Variants in LHX2 observed in about 807,000 individuals in gnomAD.
LHX2 encodes LIM homeobox 2.
Under a neutral mutation model 33.0 loss-of-function variants are expected in LHX2, and 6 were observed. The observed-to-expected ratio is 0.18, with a 90% CI of 0.10 to 0.36. LHX2 has a LOEUF of 0.36. Ranked by LOEUF, LHX2 falls within the 10% of genes least tolerant of loss-of-function variation. The pLI, the probability that LHX2 is intolerant of heterozygous loss-of-function variation, is 1.00. For missense variants in LHX2, 442 were observed against 586.2 expected (o/e 0.75, Z 2.54); for synonymous variants, 292 against 253.1 (o/e 1.15, Z -1.46).
At chr9:124,020,676 G>GA (rs1859276546) in intron 3 of LHX2, among the ~76,000 whole-genome samples, 1 of 152,096 alleles carries the variant, frequency 6.6e-6, no homozygotes, top group Non-Finnish European at 1.5e-5. Flanking sequence ...GTAAAAACGG[G>GA]AAAAATAATA....
rs1340417712 is a variant in LHX2, at chr9:124,016,532, C to A, written c.727+1007C>A. On this transcript the variant is annotated intron_variant, in intron 3 of 4. Coordinates refer to ENST00000373615, the MANE Select transcript of LHX2 (RefSeq NM_004789.4). This position sits in a 1 kb window ranked among gnomAD's most constrained non-coding sequence, Gnocchi z 4.4. Reference sequence around the variant, plus strand: ...TCTTCCTTTTCCCTTTAGTCTAATGCACAAGCAGAAAAAAGCAAAAACAAA... The same window carrying A: ...TCTTCCTTTTCCCTTTAGTCTAATGAACAAGCAGAAAAAAGCAAAAACAAA... Among the ~76,000 whole-genome samples the A allele has an allele frequency of 1.3e-5, 2 of 152,054 alleles. No individual in the cohort carries two copies. The highest frequency in any genetic ancestry group is 4.8e-5 in the African/African-American group (2 of 41,346).
At chr9:124,017,748 C>A (rs947230363) in intron 3 of LHX2, among the ~76,000 whole-genome samples, 1 of 151,756 alleles carries the variant, frequency 6.6e-6, no homozygotes, top group Non-Finnish European at 1.5e-5. Context: ...GGGGAGGGGG[C>A]GCCGTCGGGG....
intron 4 of LHX2, among the ~76,000 whole-genome samples, chr9:124,028,876 G>A (rs188532987): frequency 6.6e-6 from 1 of 152,284 alleles, no homozygotes; most frequent in Non-Finnish European, 1.5e-5. Flanking sequence ...GGGAGGCCAA[G>A]GTGGGCGGAT....
At chr9:124,019,149 C>T (rs919799093) in intron 3 of LHX2, among the ~76,000 whole-genome samples, 1 of 152,194 alleles carries the variant, frequency 6.6e-6, no homozygotes, top group East Asian at 1.9e-4. Flanking sequence ...TTGCCGGACC[C>T]GCGCTCTTCA....
chr9:124,013,770 G>C (rs959103376), intron 1 of LHX2, among the ~76,000 whole-genome samples, 191 bp from the exon 2 acceptor site: 4 of 152,280 alleles, frequency 2.6e-5, no homozygotes, highest in Admixed American at 6.5e-5. Context: ...AGGCAGGCCT[G>C]GGTTCTGAAC....
intron 3 of LHX2, 115 bp from the exon 4 acceptor site, chr9:124,020,984 C>A: frequency 1.1e-6 from 1 of 882,884 alleles, no homozygotes; most frequent in Non-Finnish European, 1.8e-6. Context: ...CATTGTGGCG[C>A]AGACATGCAG....
Position 124,012,407 on chromosome 9 carries a change from G to T in LHX2, c.59G>T (p.Arg20Leu), listed in dbSNP as rs1324987801. 7 of 1,534,448 alleles carry T rather than the reference G, an allele frequency of 4.6e-6. No homozygotes were observed. In the Admixed American group the frequency reaches 7.8e-5, roughly 17 times the overall value. The change falls in exon 1 of 5, where the codon CGC (arginine) becomes CTC (leucine). Residue 20 changes from arginine to leucine, a missense_variant. Transcript: ENST00000373615. The surrounding 1 kb of genome is among the most constrained non-coding windows in gnomAD (Gnocchi z 4.3). Reference protein sequence around the residue: ...EVHGVIDEMDRRAKSEAPAIS... With the variant: ...EVHGVIDEMDLRAKSEAPAIS... ...CACGGGGTCATCGACGAGATGGACC[G>T]CAGGGCCAAGAGCGAGGCTCCCGCC...
At chr9:124,019,172 T>C (rs1859249200) in intron 3 of LHX2, among the ~76,000 whole-genome samples, 1 of 152,170 alleles carries the variant, frequency 6.6e-6, no homozygotes. Flanking sequence ...CTGGGCGTGC[T>C]CTCTGTGGGA....
chr9:124,014,975 C>A lies in LHX2; in HGVS notation c.324-147C>A, dbSNP rs1859158515. ...ACCAGGCCTGGGTCAAAATCTAGTT[C>A]TCTCTCCCCCCCATCCTCCAAATAA... On this transcript the variant is annotated intron_variant, in intron 2 of 4. Transcript: ENST00000373615. The surrounding 1 kb of genome is among the most constrained non-coding windows in gnomAD (Gnocchi z 4.8). 1.2e-6 allele frequency: 1 copy of A among 818,980 alleles called. No individual in the cohort carries two copies. Among genetic ancestry groups the A allele is most frequent in the Non-Finnish European group, 1.9e-6 (1 of 527,642 alleles). 50.7% of individuals were successfully genotyped at this position (818,980 alleles called of 1,614,324 possible).
chr9:124,015,008 G>A lies in LHX2; in HGVS notation c.324-114G>A, dbSNP rs1859159445. The A allele has an allele frequency of 1.6e-6, 2 of 1,216,996 alleles. No individual in the cohort carries two copies. Among genetic ancestry groups the A allele is most frequent in the Non-Finnish European group, 2.3e-6 (2 of 866,056 alleles). 75.4% of individuals were successfully genotyped at this position (1,216,996 alleles called of 1,614,324 possible). A position where few individuals can be genotyped will look rare whatever the true frequency, so the allele number is the denominator to read the frequency against. ...CCCCCATCCTCCAAATAAAGGCCGG[G>A]TTGTTCGTCTTGAGGAGGGGATTGC... On this transcript the variant is annotated intron_variant, in intron 2 of 4. Transcript: ENST00000373615. The surrounding 1 kb of genome is among the most constrained non-coding windows in gnomAD (Gnocchi z 7.9).
chr9:124,029,751 A>G (rs760658982), intron 4 of LHX2, among the ~76,000 whole-genome samples: 1 of 152,190 alleles, frequency 6.6e-6, no homozygotes, highest in Non-Finnish European at 1.5e-5. Flanking sequence ...AGTCAGACGC[A>G]CAGAGCACAG....
At chr9:124,023,943 T>A (rs1173754305) in intron 4 of LHX2, among the ~76,000 whole-genome samples, 1 of 152,172 alleles carries the variant, frequency 6.6e-6, no homozygotes, top group Non-Finnish European at 1.5e-5. Context: ...GGCAGCATGA[T>A]CCCTCTTCCC....
Position 124,021,324 on chromosome 9 carries a change from G to T in LHX2, c.933+20G>T. On this transcript the variant is annotated intron_variant, in intron 4 of 4. Transcript: ENST00000373615. ...CTCCAGGTCAGCCAGGGCCAGGGGTGAGGGCATCTGCGACCACCAGGGACT... is the reference window on the plus strand; with the variant it reads ...CTCCAGGTCAGCCAGGGCCAGGGGTTAGGGCATCTGCGACCACCAGGGACT... 1 of 1,608,428 alleles carries T rather than the reference G, an allele frequency of 6.2e-7. No homozygotes were observed.
At chr9:124,026,197 G>C (rs1000507258) in intron 4 of LHX2, among the ~76,000 whole-genome samples, 1 of 152,128 alleles carries the variant, frequency 6.6e-6, no homozygotes, top group African/African-American at 2.4e-5. Context: ...GGTGGCTCAC[G>C]CCTGTAATTC....
chr9:124,017,935 G>A (rs1859221181), intron 3 of LHX2, among the ~76,000 whole-genome samples: 1 of 151,856 alleles, frequency 6.6e-6, no homozygotes, highest in African/African-American at 2.4e-5. Flanking sequence ...ACGGCGGCAG[G>A]AGCGGGCGAG....
intron 1 of LHX2, 70 bp from the exon 2 acceptor site, chr9:124,013,891 G>A (rs1859136072): frequency 2.7e-6 from 4 of 1,476,712 alleles, no homozygotes; most frequent in East Asian, 4.6e-5. Flanking sequence ...TGTGGGTGCC[G>A]GTTTCCCGGC....
Position 124,013,636 on chromosome 9 carries a change from G to A in LHX2, c.121-325G>A, listed in dbSNP as rs566330941. Among the ~76,000 whole-genome samples the A allele has an allele frequency of 2.6e-5, 4 of 152,246 alleles. No homozygotes were observed. In the East Asian group the frequency reaches 7.7e-4, roughly 29 times the overall value. On this transcript the variant is annotated intron_variant, in intron 1 of 4. Transcript: ENST00000373615. ...GGGCTTGACTGGAGTAGCTGTCCTG[G>A]TCCCTAAACACAGCCCGAGCATTTT...
chr9:124,030,824 G>T (rs1828695958), intron 4 of LHX2, among the ~76,000 whole-genome samples: 1 of 151,652 alleles, frequency 6.6e-6, no homozygotes, highest in Admixed American at 6.6e-5. Context: ...GTAGAGATGG[G>T]GTTTCACCAT....
chr9:124,014,259 G>A lies in LHX2; in HGVS notation c.323+96G>A, dbSNP rs1859145947. ...CTCTCCTTTCCGTTTAGTCCCAGGA[G>A]AGGGTTCACTACTCAGGACTCCCCC... On this transcript the variant is annotated intron_variant, in intron 2 of 4. Transcript: ENST00000373615. The surrounding 1 kb of genome is among the most constrained non-coding windows in gnomAD (Gnocchi z 4.8). The A allele has an allele frequency of 2.6e-6, 2 of 756,196 alleles. No individual in the cohort carries two copies. Among genetic ancestry groups the A allele is most frequent in the South Asian group, 1.6e-5 (1 of 63,306 alleles). 46.8% of individuals were successfully genotyped at this position (756,196 alleles called of 1,614,324 possible). A position where few individuals can be genotyped will look rare whatever the true frequency, so the allele number is the denominator to read the frequency against.
Sources: allele counts gnomAD v4.1 joint callset (sites outside exome capture counted in the v4.1 genomes callset), GRCh38; gene constraint gnomAD v4.1.1; non-coding constraint Gnocchi (gnomAD v3.1); transcripts MANE v1.5; gene names NCBI Gene and HGNC (gene_info 2026-07-23, HGNC 2026-07-21).